The following MPRIP variants were observed in gnomAD, a reference collection of about 807,000 sequenced individuals.
MPRIP encodes the protein myosin phosphatase Rho-interacting protein.
MPRIP carries 59 observed loss-of-function variants against 234.9 expected under a neutral mutation model. The observed-to-expected ratio is 0.25, with a 90% CI of 0.20 to 0.31. The LOEUF (loss-of-function observed/expected upper bound fraction) is 0.31, where lower values mean the gene tolerates loss of function less well. Among genes scored for constraint, MPRIP ranks in the 10% least tolerant of loss-of-function variants. The pLI is 1.00. For missense variants in MPRIP, 2,436 were observed against 3,071.0 expected (o/e 0.79, Z 4.89); for synonymous variants, 1,144 against 1,263.9 (o/e 0.91, Z 2.01).
intron 3 of MPRIP, among the ~76,000 whole-genome samples, chr17:17,109,397 G>A: frequency 6.6e-6 from 1 of 152,216 alleles, no homozygotes; most frequent in East Asian, 1.9e-4. Context: ...AGACCACAAT[G>A]CCTGTGTACT....
At chr17:17,056,947 G>A (rs1026415126) in intron 1 of MPRIP, among the ~76,000 whole-genome samples, 3 of 152,222 alleles carry the variant, frequency 2.0e-5, no homozygotes, top group Non-Finnish European at 4.4e-5. Context: ...TTGCAGCACA[G>A]GTCAGAATTC....
At chr17:17,099,377 C>A (rs547065267) in intron 3 of MPRIP, among the ~76,000 whole-genome samples, 1 of 152,304 alleles carries the variant, frequency 6.6e-6, no homozygotes, top group South Asian at 2.1e-4. Flanking sequence ...TGTGAAAAGT[C>A]CTCCTTTGGT....
rs1357564919 is a variant in MPRIP at position 17,136,468 on chromosome 17, T to C, written c.736+18T>C. On this transcript the variant is annotated intron_variant, in intron 6 of 23. Transcript: ENST00000651222. ...CAAAGAAGGTGAGCGGAGGCCAGGC[T>C]GGCTTGTATGCACGGGAATGGCCCT... 6.3e-7 allele frequency: 1 copy of C among 1,598,760 alleles called. No homozygotes were observed. Among genetic ancestry groups the C allele is most frequent in the Non-Finnish European group, 8.5e-7 (1 of 1,171,446 alleles).
chr17:17,073,474 ATG>A (rs1348552307), intron 1 of MPRIP, among the ~76,000 whole-genome samples: 1 of 152,156 alleles, frequency 6.6e-6, no homozygotes, highest in Non-Finnish European at 1.5e-5. Flanking sequence ...GGTCAGGTAA[ATG>A]TAGCTGATTA....
intron 23 of MPRIP, among the ~76,000 whole-genome samples, chr17:17,181,325 C>A (rs1237572256): frequency 6.6e-6 from 1 of 152,130 alleles, no homozygotes; most frequent in East Asian, 1.9e-4. Flanking sequence ...GTAGCTTGAT[C>A]TCGTTCATCC....
intron 7 of MPRIP, among the ~76,000 whole-genome samples, chr17:17,141,027 G>A (rs918670876): frequency 4.6e-5 from 7 of 152,134 alleles, no homozygotes; most frequent in Non-Finnish European, 1.0e-4. Flanking sequence ...TGGTCTTACA[G>A]GATCTCCCCA....
chr17:17,168,304 T>A (rs1299670424), intron 16 of MPRIP: 13 of 255,224 alleles, frequency 5.1e-5, no homozygotes, highest in Non-Finnish European at 9.3e-5. Context: ...CCAGCCCAAA[T>A]CTGAGGCAGC....
intron 11 of MPRIP, among the ~76,000 whole-genome samples, chr17:17,147,735 A>G (rs2045509770): frequency 6.6e-6 from 1 of 152,168 alleles, no homozygotes; most frequent in Non-Finnish European, 1.5e-5. Context: ...ACTCAGGATG[A>G]ACAATTTTGT....
chr17:17,123,090 T>C lies in MPRIP; in HGVS notation c.268-3612T>C, dbSNP rs115579079. On this transcript the variant is annotated intron_variant, in intron 3 of 23. Coordinates refer to ENST00000651222, the MANE Select transcript of MPRIP (RefSeq NM_001364716.4). ...GCAATGCGGAGGAACCTTGAAAATA[T>C]GCTAAATCCTTGAAAATATGCTAAA... 1.9e-3 allele frequency among the ~76,000 whole-genome samples: 285 copies of C among 152,358 alleles called. 2 individuals carry two copies. Among genetic ancestry groups the C allele is most frequent in the African/African-American group, 6.7e-3 (277 of 41,582 alleles).
intron 3 of MPRIP, among the ~76,000 whole-genome samples, chr17:17,098,270 A>G (rs963331566): frequency 3.3e-5 from 5 of 152,008 alleles, no homozygotes; most frequent in Admixed American, 2.0e-4. Flanking sequence ...CTCCACCTCC[A>G]AGGCCCCTCA....
Position 17,172,683 on chromosome 17 carries a change from T to A in MPRIP, c.6473-15T>A. On this transcript the variant is annotated splice_polypyrimidine_tract_variant and intron_variant, in intron 17 of 23. Coordinates refer to ENST00000651222, the MANE Select transcript of MPRIP (RefSeq NM_001364716.4). ...GCGTGGTCCCTCGGTGCTGAGGCCG[T>A]GTCCTTGCCTGCAGCCATCGAAGCC... is the stretch of plus-strand genomic sequence containing the variant. The A allele has an allele frequency of 1.9e-6, 3 of 1,604,482 alleles. No homozygotes were observed. The highest frequency in any genetic ancestry group is 2.6e-6 in the Non-Finnish European group (3 of 1,174,828).
chr17:17,133,078 C>T (rs1386433397), intron 5 of MPRIP, among the ~76,000 whole-genome samples: 2 of 152,200 alleles, frequency 1.3e-5, no homozygotes, highest in Non-Finnish European at 2.9e-5. Flanking sequence ...CTCTCCCTCC[C>T]TCATGACACC....
intron 1 of MPRIP, among the ~76,000 whole-genome samples, chr17:17,057,152 C>T (rs1314506065): frequency 6.6e-6 from 1 of 152,194 alleles, no homozygotes; most frequent in Non-Finnish European, 1.5e-5. Context: ...CATGTCAGCC[C>T]TGCAGACTGC....
intron 16 of MPRIP, 189 bp from the exon 17 acceptor site, chr17:17,171,529 A>G (rs2046134540): frequency 1.5e-6 from 1 of 645,720 alleles, no homozygotes; most frequent in African/African-American, 1.8e-5. Flanking sequence ...GAATGCTCTG[A>G]TGGCATTGCT....
chr17:17,069,171 T>A (rs1005087704), intron 1 of MPRIP, among the ~76,000 whole-genome samples: 1 of 152,224 alleles, frequency 6.6e-6, no homozygotes, highest in African/African-American at 2.4e-5. Flanking sequence ...CCTTTTATCA[T>A]TATATAATAT....
intron 15 of MPRIP, among the ~76,000 whole-genome samples, chr17:17,163,646 G>A (rs2045919660): frequency 2.0e-5 from 3 of 152,028 alleles, no homozygotes; most frequent in Admixed American, 2.0e-4. Context: ...TGTCTTAGAA[G>A]GAAGTGGCAT....
At chr17:17,125,067 A>G (rs2090464894) in intron 3 of MPRIP, among the ~76,000 whole-genome samples, 1 of 152,132 alleles carries the variant, frequency 6.6e-6, no homozygotes, top group South Asian at 2.1e-4. Context: ...TCTCCTTCTC[A>G]AGAAACACCC....
At chr17:17,046,833 T>A (rs902499329) in intron 1 of MPRIP, among the ~76,000 whole-genome samples, 1 of 152,250 alleles carries the variant, frequency 6.6e-6, no homozygotes, top group African/African-American at 2.4e-5. Flanking sequence ...AAGGCAGCCG[T>A]AGACAACACA....
chr17:17,154,209 G>A, intron 12 of MPRIP, 97 bp from the exon 13 acceptor site: 1 of 1,012,718 alleles, frequency 9.9e-7, no homozygotes, highest in South Asian at 1.4e-5. Context: ...CTTTCTCCCT[G>A]TGGGACTTTA....
Sources: allele counts gnomAD v4.1 joint callset (sites outside exome capture counted in the v4.1 genomes callset), GRCh38; gene constraint gnomAD v4.1.1; transcripts MANE v1.5; gene names NCBI Gene and HGNC (gene_info 2026-07-23, HGNC 2026-07-21).